The following PRKG1 variants were observed in gnomAD, a reference collection of about 807,000 sequenced individuals.
PRKG1 encodes the protein cGMP-dependent protein kinase 1.
PRKG1 carries 35 observed loss-of-function variants against 88.1 expected under a neutral mutation model. The ratio of observed to expected loss-of-function variants is 0.40; its 90% CI spans 0.30 to 0.53. The LOEUF is 0.53. Ranked by LOEUF, PRKG1 falls within the 20% of genes least tolerant of loss-of-function variation. PRKG1 has a pLI of 0.59. For missense variants in PRKG1, 540 were observed against 839.8 expected (o/e 0.64, Z 4.41); for synonymous variants, 303 against 292.5 (o/e 1.04, Z -0.37).
intron 7 of PRKG1, among the ~76,000 whole-genome samples, chr10:52,076,449 C>G (rs1163664997): frequency 6.6e-6 from 1 of 152,094 alleles, no homozygotes; most frequent in Non-Finnish European, 1.5e-5. Context: ...CCCAGCTGCT[C>G]AGGAGGCTGA....
At position 51,391,506 on chromosome 10, in the gene PRKG1, A is replaced by C. The variant is rs562893312; in HGVS notation, c.479-76217A>C. 5.3e-5 allele frequency among the ~76,000 whole-genome samples: 8 copies of C among 152,348 alleles called. 1 individual carries two copies. The highest frequency in any genetic ancestry group is 4.1e-4 in the South Asian group (2 of 4,830). On this transcript the variant is annotated intron_variant, in intron 2 of 17. Coordinates refer to ENST00000373980, the MANE Select transcript of PRKG1 (RefSeq NM_006258.4). ...TATGGTTCTATTCTTTTAGGAGAGAATATTCACACTTTGGCTTTGCCTTTT... is the reference window on the plus strand; with the variant it reads ...TATGGTTCTATTCTTTTAGGAGAGACTATTCACACTTTGGCTTTGCCTTTT...
chr10:51,434,020 G>C (rs1838850128), intron 2 of PRKG1, among the ~76,000 whole-genome samples: 1 of 152,104 alleles, frequency 6.6e-6, no homozygotes, highest in South Asian at 2.1e-4. Context: ...TTACCTGGCT[G>C]AGCTGTAACT....
rs1265465678 is a variant in PRKG1 at position 51,058,443 on chromosome 10, A to AT, written c.266+66800dup. On this transcript the variant is annotated intron_variant, in intron 1 of 17. Coordinates refer to the PRKG1 transcript ENST00000401604. ...AGCAAAAGGTATAGAGATTTCCCAT[A>AT]TATCTCCTACCCCAGTATCCAGTAT... is the stretch of plus-strand genomic sequence containing the variant. Among the ~76,000 whole-genome samples, 9 of 152,224 alleles carry AT rather than the reference A, an allele frequency of 5.9e-5. No homozygotes were observed. The South Asian group carries it at 6.2e-4, about 11-fold the overall frequency.
chr10:52,052,466 G>C (rs1846011508), intron 5 of PRKG1, among the ~76,000 whole-genome samples: 1 of 151,818 alleles, frequency 6.6e-6, no homozygotes, highest in Non-Finnish European at 1.5e-5. Flanking sequence ...AGGCATGGTA[G>C]TGTACACCTG....
chr10:51,413,594 C>T (rs1437598079), intron 2 of PRKG1, among the ~76,000 whole-genome samples: 3 of 152,046 alleles, frequency 2.0e-5, no homozygotes, highest in African/African-American at 4.8e-5. Flanking sequence ...CTCCTGACCT[C>T]GTGATCAGTC....
At chr10:51,338,153 G>T (rs1052354113) in intron 2 of PRKG1, among the ~76,000 whole-genome samples, 4 of 152,198 alleles carry the variant, frequency 2.6e-5, no homozygotes, top group Non-Finnish European at 5.9e-5. Flanking sequence ...GTAAGTGGGA[G>T]CTGAACAATG....
intron 5 of PRKG1, among the ~76,000 whole-genome samples, chr10:51,947,255 G>A (rs1251325204): frequency 6.6e-6 from 1 of 152,138 alleles, no homozygotes; most frequent in African/African-American, 2.4e-5. Context: ...GTGGGCGTAG[G>A]ACCCTCGGAG....
intron 10 of PRKG1, chr10:52,252,799 T>G (rs1046611760): frequency 1.2e-4 from 18 of 151,336 alleles, no homozygotes; most frequent in African/African-American, 3.9e-4. Context: ...GACTTGAAAG[T>G]CCATAGTGTG....
intron 3 of PRKG1, among the ~76,000 whole-genome samples, chr10:51,682,033 A>C (rs1675186692): frequency 6.6e-6 from 1 of 152,158 alleles, no homozygotes; most frequent in African/African-American, 2.4e-5. Context: ...TTTTTGGATA[A>C]TCTGTCCTCT....
intron 2 of PRKG1, among the ~76,000 whole-genome samples, chr10:51,417,799 T>C (rs1488046385): frequency 6.6e-6 from 1 of 152,176 alleles, no homozygotes; most frequent in Non-Finnish European, 1.5e-5. Flanking sequence ...CATGAAAAAA[T>C]AGAGCTGCAC....
intron 2 of PRKG1, among the ~76,000 whole-genome samples, chr10:51,260,711 C>A (rs973551583): frequency 1.3e-5 from 2 of 152,070 alleles, no homozygotes; most frequent in Non-Finnish European, 2.9e-5. Flanking sequence ...AGACTCAGAG[C>A]AAATACCAAG....
chr10:51,865,047 G>C (rs1291799600), intron 4 of PRKG1, among the ~76,000 whole-genome samples: 1 of 152,056 alleles, frequency 6.6e-6, no homozygotes, highest in East Asian at 1.9e-4. Flanking sequence ...TTGTACGCCA[G>C]CTACATTAAT....
chr10:51,985,276 A>C (rs1844124289), intron 5 of PRKG1, among the ~76,000 whole-genome samples: 1 of 152,136 alleles, frequency 6.6e-6, no homozygotes, highest in African/African-American at 2.4e-5. Context: ...AAATAATTCA[A>C]GCTTGTTTCA....
chr10:52,120,863 G>A (rs972256157), intron 7 of PRKG1, among the ~76,000 whole-genome samples: 7 of 152,150 alleles, frequency 4.6e-5, no homozygotes, highest in Non-Finnish European at 1.0e-4. Context: ...ACTAGGCATT[G>A]CCCTAGCAGT....
intron 5 of PRKG1, among the ~76,000 whole-genome samples, chr10:52,027,892 G>C (rs12774183): frequency 0.28 from 41,987 of 151,934 alleles, 6,246 homozygotes; most frequent in Non-Finnish European, 0.35. Context: ...GGATTCAAGT[G>C]ATTCTCCTGC....
At chr10:51,335,509 G>A (rs1358491494) in intron 2 of PRKG1, among the ~76,000 whole-genome samples, 1 of 151,732 alleles carries the variant, frequency 6.6e-6, no homozygotes, top group African/African-American at 2.4e-5. Context: ...ATATAATTTA[G>A]GTACACTTTT....
At chr10:51,017,735 T>C (rs1424842312) in intron 1 of PRKG1, among the ~76,000 whole-genome samples, 1 of 152,090 alleles carries the variant, frequency 6.6e-6, no homozygotes, top group Admixed American at 6.5e-5. Flanking sequence ...TTTTTATATC[T>C]TCAGGTAAAA....
At chr10:51,434,394 A>G (rs923653037) in intron 2 of PRKG1, among the ~76,000 whole-genome samples, 2 of 152,100 alleles carry the variant, frequency 1.3e-5, no homozygotes, top group African/African-American at 4.8e-5. Flanking sequence ...GCATTGATAA[A>G]GGTATCAGCT....
At chr10:51,389,485 C>T (rs530356501) in intron 2 of PRKG1, among the ~76,000 whole-genome samples, 2 of 152,220 alleles carry the variant, frequency 1.3e-5, no homozygotes, top group South Asian at 2.1e-4. Context: ...TAACATGCCG[C>T]CACAGCTGTA....
Sources: allele counts gnomAD v4.1 joint callset (sites outside exome capture counted in the v4.1 genomes callset), GRCh38; gene constraint gnomAD v4.1.1; transcripts MANE v1.5; gene names NCBI Gene and HGNC (gene_info 2026-07-23, HGNC 2026-07-21).